Variants in COPG2 observed in about 807,000 individuals in gnomAD.
The protein encoded by COPG2 is coatomer subunit gamma-2.
Under a neutral mutation model 46.3 loss-of-function variants are expected in COPG2, and 37 were observed. That is an observed-to-expected ratio of 0.80 (90% CI 0.61 to 1.05). COPG2 has a LOEUF of 1.05. Among genes scored for constraint, COPG2 ranks in the 50% least tolerant of loss-of-function variants. COPG2 has a pLI of 0.00. For synonymous variants in COPG2, 159 were observed against 129.7 expected, an observed-to-expected ratio of 1.23 and a Z score of -1.53; for missense variants, 427 against 387.8, an observed-to-expected ratio of 1.10 and a Z score of -0.85.
intron 23 of COPG2, 21 bp downstream of exon 23, chr7:130,507,253 A>T: frequency 1.3e-6 from 1 of 780,444 alleles, no homozygotes; most frequent in Non-Finnish European, 2.4e-6. Flanking sequence ...ATGGAAGGAA[A>T]ATCTGATGGA....
chr7:130,583,976 C>A (rs1243090437), intron 9 of COPG2, among the ~76,000 whole-genome samples: 4 of 151,638 alleles, frequency 2.6e-5, no homozygotes, highest in African/African-American at 9.7e-5. Flanking sequence ...GCCAGTATTG[C>A]CCTAATACCA....
At chr7:130,613,208 G>C (rs1048226450) in intron 7 of COPG2, among the ~76,000 whole-genome samples, 1 of 152,146 alleles carries the variant, frequency 6.6e-6, no homozygotes, top group South Asian at 2.1e-4. Flanking sequence ...CGGCAACCTA[G>C]ATCCCTGCAT....
At position 130,563,338 on chromosome 7, in the gene COPG2, TA is replaced by T. The variant is rs1213133423; in HGVS notation, c.872-3del. Reference sequence around the variant, plus strand: ...GAGAACTACAGAAAAGTTGAAGAACTAAAAAAAAATAATAATAATAATATGT... The same window carrying T: ...GAGAACTACAGAAAAGTTGAAGAACTAAAAAAAATAATAATAATAATATGT... On this transcript the variant is annotated splice_region_variant and splice_polypyrimidine_tract_variant and intron_variant, in intron 10 of 23. Transcript: ENST00000425248. 2.6e-4 allele frequency: 103 copies of T among 390,814 alleles called. No homozygotes were observed. The highest frequency in any genetic ancestry group is 1.3e-3 in the Middle Eastern group (2 of 1,574). The allele number at this position is 390,814 out of a possible 1,614,324, so 24.2% of individuals were successfully genotyped here. A position where few individuals can be genotyped will look rare whatever the true frequency, so the allele number is the denominator to read the frequency against.
chr7:130,612,248 G>GAAA lies in COPG2; in HGVS notation c.493-13_493-11dup. The GAAA allele has an allele frequency of 9.1e-7, 1 of 1,094,492 alleles. No individual in the cohort carries two copies. The allele number at this position is 1,094,492 out of a possible 1,614,324, so 67.8% of individuals were successfully genotyped here. ...TTATCTTCATCATGTGCTAAATACAGAAAAAAAAAAATGAGAATAAATAAT... is the reference window on the plus strand; with the variant it reads ...TTATCTTCATCATGTGCTAAATACAGAAAAAAAAAAAAAATGAGAATAAATAAT... On this transcript the variant is annotated splice_polypyrimidine_tract_variant and intron_variant, in intron 7 of 23. Transcript: ENST00000425248.
At chr7:130,547,355 C>T (rs1031622624) in intron 20 of COPG2, 1 of 240,736 alleles carries the variant, frequency 4.2e-6, no homozygotes, top group Non-Finnish European at 7.9e-6. Context: ...GGTATATGAA[C>T]TCTCACAAGT....
At chr7:130,584,491 T>C (rs1348144149) in intron 9 of COPG2, among the ~76,000 whole-genome samples, 1 of 151,904 alleles carries the variant, frequency 6.6e-6, no homozygotes, top group African/African-American at 2.4e-5. Flanking sequence ...ATAAAGGGCA[T>C]CCAAATCGAT....
At chr7:130,511,354 G>T in intron 20 of COPG2, 1 of 514,376 alleles carries the variant, frequency 1.9e-6, no homozygotes. Context: ...AGTCTATGCA[G>T]GTCTGGACTG....
Position 130,611,071 on chromosome 7 carries a change from C to T in COPG2, c.619G>A (p.Asp207Asn), listed in dbSNP as rs1322773652. The change falls in exon 9 of 24, where the codon GAT (aspartate) becomes AAT (asparagine). Residue 207 changes from aspartate to asparagine, a missense_variant. Transcript: ENST00000425248. ...AACATCTTGGAAACAGCAAGTCGATCATTCTTTCTAAGGTGATACAGGACT... is the reference window on the plus strand; with the variant it reads ...AACATCTTGGAAACAGCAAGTCGATTATTCTTTCTAAGGTGATACAGGACT... ...LGVLYHLRKN[D>N]RLAVSKMLNK... is the part of the protein sequence containing the mutation. The T allele has an allele frequency of 6.2e-7, 1 of 1,613,584 alleles. No homozygotes were observed. The highest frequency in any genetic ancestry group is 1.3e-5 in the African/African-American group (1 of 74,882).
intron 20 of COPG2, chr7:130,509,251 A>G (rs1554440682): frequency 2.0e-6 from 1 of 510,750 alleles, no homozygotes; most frequent in Admixed American, 2.0e-5. Context: ...TAAATGGAAA[A>G]GCAAGTGGGC....
chr7:130,656,706 A>G (rs1365600194), intron 4 of COPG2, among the ~76,000 whole-genome samples: 1 of 152,114 alleles, frequency 6.6e-6, no homozygotes, highest in Non-Finnish European at 1.5e-5. Context: ...CAAAAGCATC[A>G]AAACATACTA....
chr7:130,532,910 C>T (rs1799842946), intron 20 of COPG2, among the ~76,000 whole-genome samples: 1 of 152,106 alleles, frequency 6.6e-6, no homozygotes, highest in East Asian at 1.9e-4. Flanking sequence ...GTGGCAGAAT[C>T]ACAGATCGTG....
chr7:130,653,401 TCAC>T (rs1456019208), intron 4 of COPG2, among the ~76,000 whole-genome samples: 2 of 152,128 alleles, frequency 1.3e-5, no homozygotes, highest in Non-Finnish European at 2.9e-5. Flanking sequence ...TTACAGGCAC[TCAC>T]CACCACACCT....
At chr7:130,585,409 A>C (rs1176619435) in intron 9 of COPG2, among the ~76,000 whole-genome samples, 2 of 152,112 alleles carry the variant, frequency 1.3e-5, no homozygotes, top group Non-Finnish European at 2.9e-5. Context: ...TGGCTTAGGC[A>C]AGCATTTAAT....
At chr7:130,519,085 T>C (rs1799704383) in intron 20 of COPG2, among the ~76,000 whole-genome samples, 1 of 151,398 alleles carries the variant, frequency 6.6e-6, no homozygotes, top group South Asian at 2.1e-4. Flanking sequence ...GAAGACATGT[T>C]AGATTTAGGT....
intron 9 of COPG2, among the ~76,000 whole-genome samples, chr7:130,569,709 A>G (rs1793862930): frequency 6.6e-6 from 1 of 152,230 alleles, no homozygotes. Context: ...TCATTATAAG[A>G]AGCCAGTATA....
intron 3 of COPG2, among the ~76,000 whole-genome samples, chr7:130,665,502 T>G (rs562356607): frequency 5.9e-5 from 9 of 152,290 alleles, no homozygotes; most frequent in Admixed American, 3.3e-4. Flanking sequence ...ATGTTTGTAC[T>G]GAACACGTAC....
chr7:130,561,653 T>G (rs1401145108), intron 11 of COPG2, among the ~76,000 whole-genome samples: 1 of 152,210 alleles, frequency 6.6e-6, no homozygotes, highest in Non-Finnish European at 1.5e-5. Context: ...CTGCATTATC[T>G]ATGGTTACTA....
At chr7:130,605,983 G>A (rs952622853) in intron 9 of COPG2, among the ~76,000 whole-genome samples, 5 of 152,192 alleles carry the variant, frequency 3.3e-5, no homozygotes, top group African/African-American at 1.2e-4. Context: ...TAGGCACTGG[G>A]TGGAAGCTTG....
At chr7:130,586,481 G>T (rs1378354804) in intron 9 of COPG2, among the ~76,000 whole-genome samples, 2 of 151,656 alleles carry the variant, frequency 1.3e-5, no homozygotes, top group Non-Finnish European at 2.9e-5. Context: ...ATTTTTTTTT[G>T]AGACAGAGTC....
Sources: allele counts gnomAD v4.1 joint callset (sites outside exome capture counted in the v4.1 genomes callset), GRCh38; gene constraint gnomAD v4.1.1; transcripts MANE v1.5; gene names NCBI Gene and HGNC (gene_info 2026-07-23, HGNC 2026-07-21).